LRRTM4: variants seen among roughly 807,000 people sequenced by gnomAD.
LRRTM4 encodes leucine rich repeat transmembrane neuronal 4.
LRRTM4 carries 25 observed loss-of-function variants against 47.6 expected under a neutral mutation model. The ratio of observed to expected loss-of-function variants is 0.53; its 90% confidence interval spans 0.38 to 0.73. The LOEUF (loss-of-function observed/expected upper bound fraction) is 0.73. Ranked by LOEUF, LRRTM4 falls within the 30% of genes least tolerant of loss-of-function variation. The pLI is 0.00. For synonymous variants in LRRTM4, 311 were observed against 269.5 expected (o/e 1.15, Z -1.51); for missense variants, 638 against 713.4 (o/e 0.89, Z 1.20).
At chr2:77,312,811 G>T (rs902472198) in intron 3 of LRRTM4, among the ~76,000 whole-genome samples, 6 of 152,060 alleles carry the variant, frequency 3.9e-5, no homozygotes, top group African/African-American at 1.2e-4. Flanking sequence ...ATAGAGATTT[G>T]GTATAACCAT....
chr2:76,948,685 T>A (rs1675402291), intron 3 of LRRTM4, among the ~76,000 whole-genome samples: 1 of 151,820 alleles, frequency 6.6e-6, no homozygotes, highest in African/African-American at 2.4e-5. Context: ...TTCAAAAGAA[T>A]TCATTATGAT....
intron 3 of LRRTM4, among the ~76,000 whole-genome samples, chr2:77,308,944 A>G (rs539907866): frequency 6.6e-6 from 1 of 152,316 alleles, no homozygotes; most frequent in South Asian, 2.1e-4. Context: ...CACTAACCAT[A>G]AACTCAGTAT....
intron 3 of LRRTM4, among the ~76,000 whole-genome samples, chr2:76,979,843 T>C (rs1676546261): frequency 1.3e-5 from 2 of 151,996 alleles, no homozygotes; most frequent in Non-Finnish European, 2.9e-5. Flanking sequence ...TAGATTCCTA[T>C]CTGGTTTCCT....
At chr2:76,878,699 C>G (rs1297544733) in intron 3 of LRRTM4, among the ~76,000 whole-genome samples, 1 of 151,864 alleles carries the variant, frequency 6.6e-6, no homozygotes, top group African/African-American at 2.4e-5. Context: ...TGAAACCCCA[C>G]CCTGTCTCTA....
At chr2:76,753,140 G>A (rs1159704998) in intron 3 of LRRTM4, among the ~76,000 whole-genome samples, 3 of 152,162 alleles carry the variant, frequency 2.0e-5, no homozygotes, top group Admixed American at 2.0e-4. Flanking sequence ...TAAATCTGAA[G>A]TAGGTTGTGA....
chr2:77,270,975 C>T (rs1676176188), intron 3 of LRRTM4, among the ~76,000 whole-genome samples: 1 of 152,086 alleles, frequency 6.6e-6, no homozygotes, highest in South Asian at 2.1e-4. Flanking sequence ...CTATGAAGAC[C>T]CCAGGCTCAG....
intron 3 of LRRTM4, among the ~76,000 whole-genome samples, chr2:76,916,648 C>T (rs1281348801): frequency 1.3e-5 from 2 of 152,064 alleles, no homozygotes; most frequent in African/African-American, 2.4e-5. Context: ...AAATTCAAGC[C>T]TCAAACAAAC....
intron 3 of LRRTM4, among the ~76,000 whole-genome samples, chr2:77,193,817 G>A (rs555273898): frequency 6.6e-6 from 1 of 152,164 alleles, no homozygotes; most frequent in African/African-American, 2.4e-5. Flanking sequence ...ATGTGCAACT[G>A]CTGCACACTT....
chr2:77,131,451 G>A (rs892099804), intron 3 of LRRTM4, among the ~76,000 whole-genome samples: 6 of 152,176 alleles, frequency 3.9e-5, no homozygotes, highest in African/African-American at 1.4e-4. Context: ...CAGAATTGAT[G>A]GAGTTAGCCT....
chr2:77,355,273 T>C (rs2104303838), intron 3 of LRRTM4, among the ~76,000 whole-genome samples: 2 of 152,308 alleles, frequency 1.3e-5, no homozygotes, highest in Middle Eastern at 6.8e-3. Flanking sequence ...CAGTGTGTTT[T>C]TGAAATTAAG....
At chr2:77,112,111 A>T (rs1489033249) in intron 3 of LRRTM4, among the ~76,000 whole-genome samples, 1 of 152,136 alleles carries the variant, frequency 6.6e-6, no homozygotes, top group Non-Finnish European at 1.5e-5. Flanking sequence ...GGTGAAAATT[A>T]CCCTGGGAAA....
intron 3 of LRRTM4, among the ~76,000 whole-genome samples, chr2:77,039,028 T>G (rs1678936827): frequency 2.0e-5 from 3 of 151,206 alleles, no homozygotes; most frequent in Non-Finnish European, 3.0e-5. Context: ...CTTCAGTTCA[T>G]AAGAAAATGG....
intron 3 of LRRTM4, among the ~76,000 whole-genome samples, chr2:76,855,549 CTCTT>C (rs1303551030): frequency 2.0e-5 from 3 of 152,220 alleles, no homozygotes; most frequent in Non-Finnish European, 4.4e-5. Flanking sequence ...TTATCCCAAT[CTCTT>C]TCTTTGTCTT....
At chr2:77,059,559 G>C (rs887892638) in intron 3 of LRRTM4, among the ~76,000 whole-genome samples, 26 of 152,108 alleles carry the variant, frequency 1.7e-4, no homozygotes, top group Non-Finnish European at 2.6e-4. Context: ...TTAGAATCAA[G>C]TCACTGGCAA....
intron 3 of LRRTM4, among the ~76,000 whole-genome samples, chr2:76,866,021 G>A (rs1386267111): frequency 1.3e-5 from 2 of 152,058 alleles, no homozygotes; most frequent in Non-Finnish European, 2.9e-5. Flanking sequence ...GATTTACTCA[G>A]TAGCCACCGT....
chr2:77,150,015 T>C (rs1009602953), intron 3 of LRRTM4, among the ~76,000 whole-genome samples: 1 of 152,154 alleles, frequency 6.6e-6, no homozygotes, highest in Non-Finnish European at 1.5e-5. Context: ...CCTCATTAAT[T>C]TGTACATGAC....
At chr2:76,968,375 TATATATATAC>T (rs1346315143) in intron 3 of LRRTM4, among the ~76,000 whole-genome samples, 13 of 129,372 alleles carry the variant, frequency 1.0e-4, no homozygotes, top group African/African-American at 3.8e-4. Flanking sequence ...TATATATATA[TATATATATAC>T]ACATACATAC....
At position 77,354,265 on chromosome 2, in the gene LRRTM4, G is replaced by A. The variant is rs367949568; in HGVS notation, c.1551+164053C>T. 5.4e-4 allele frequency among the ~76,000 whole-genome samples: 82 copies of A among 152,260 alleles called. 1 individual carries two copies. The South Asian group carries it at 0.015, about 28-fold the overall frequency. On this transcript the variant is annotated intron_variant, in intron 3 of 3. Coordinates refer to ENST00000409884, the MANE Select transcript of LRRTM4 (RefSeq NM_001134745.3). ...CACCTCCTACTTCAGTAGAGAAGCC[G>A]TGAGTAGAGGAGAGAAATAAAGCTA...
Position 77,485,934 on chromosome 2 carries a change from C to T in LRRTM4, c.1551+32384G>A, listed in dbSNP as rs138488581. Among the ~76,000 whole-genome samples the T allele has an allele frequency of 9.3e-3, 1,407 of 150,632 alleles. 9 individuals are homozygous for T. Among genetic ancestry groups the T allele is most frequent in the Non-Finnish European group, 0.015 (984 of 67,776 alleles). ...TGTATTTTTAGGGGAGACGTGGTTT[C>T]ACCATGTTTGCCCAGGCGGGTCTCC... On this transcript the variant is annotated intron_variant, in intron 3 of 3. Transcript: ENST00000409884.
Sources: gnomAD v4.1 joint callset for allele counts (sites outside exome capture counted in the v4.1 genomes callset) on GRCh38, gnomAD v4.1.1 for gene constraint, MANE v1.5 for transcripts, NCBI Gene and HGNC (gene_info 2026-07-23, HGNC 2026-07-21) for gene names.